Variants in ASPRV1 observed in about 807,000 individuals in gnomAD.
The protein encoded by ASPRV1 is retroviral-like aspartic protease 1.
ASPRV1 carries 7 observed loss-of-function variants against 11.0 expected under a neutral mutation model. That is an observed-to-expected ratio of 0.64 (90% CI 0.36 to 1.20). The LOEUF is 1.20. Ranked by LOEUF, ASPRV1 falls within the 50% of genes most tolerant of loss-of-function variation. The probability of loss-of-function intolerance (pLI) is 0.02; values close to 1 mark genes in which losing one functional copy is unlikely to be tolerated. For missense variants in ASPRV1, 299 were observed against 320.0 expected (o/e 0.93, Z 0.50); for synonymous variants, 136 against 138.4 (o/e 0.98, Z 0.12).
the ASPRV1 span, chr2:70,018,256 T>C: frequency 2.0e-5 from 3 of 151,698 alleles, no homozygotes; most frequent in African/African-American, 7.3e-5. Flanking sequence ...GTTGAAACAC[T>C]GACGAAAGAA....
the ASPRV1 span, among the ~76,000 whole-genome samples, chr2:69,972,680 G>C: frequency 3.9e-5 from 6 of 152,198 alleles, no homozygotes; most frequent in Non-Finnish European, 7.4e-5. Flanking sequence ...GTTTTCATGA[G>C]TGTTCTGCAG....
chr2:69,996,214 C>CAAAAAAAA, the ASPRV1 span, among the ~76,000 whole-genome samples: 9 of 53,876 alleles, frequency 1.7e-4, no homozygotes, highest in Non-Finnish European at 2.5e-4. Context: ...CCCCATCTCT[C>CAAAAAAAA]AAAAAAAAAA....
chr2:69,988,481 G>T, the ASPRV1 span: 1 of 281,606 alleles, frequency 3.6e-6, no homozygotes, highest in Non-Finnish European at 7.1e-6. Context: ...CATAGAGACA[G>T]AAAGTACAGC....
chr2:70,008,611 T>G, the ASPRV1 span, among the ~76,000 whole-genome samples: 157 of 152,068 alleles, frequency 1.0e-3, 1 homozygote, highest in Non-Finnish European at 1.9e-4. Flanking sequence ...TAAACTTTCT[T>G]AAAACATTAT....
chr2:69,993,135 C>T, the ASPRV1 span, among the ~76,000 whole-genome samples: 1 of 152,200 alleles, frequency 6.6e-6, no homozygotes, highest in Non-Finnish European at 1.5e-5. Flanking sequence ...GAAACAGAGA[C>T]CCGGCCCTGC....
chr2:69,981,060 G>A, the ASPRV1 span, among the ~76,000 whole-genome samples: 1 of 152,364 alleles, frequency 6.6e-6, no homozygotes, highest in African/African-American at 2.4e-5. Flanking sequence ...ACAGGCGTGA[G>A]CCACTGCATC....
chr2:69,999,922 T>A, the ASPRV1 span, among the ~76,000 whole-genome samples: 2 of 151,906 alleles, frequency 1.3e-5, no homozygotes, highest in African/African-American at 4.8e-5. Flanking sequence ...GGTCACCACA[T>A]CTTGGTCCCC....
At position 69,961,473 on chromosome 2, in the gene ASPRV1, C is replaced by T. The variant is rs767149329; in HGVS notation, c.-37G>A. The T allele has an allele frequency of 1.9e-5, 30 of 1,614,092 alleles. No individual in the cohort carries two copies. Among genetic ancestry groups the T allele is most frequent in the South Asian group, 2.2e-5 (2 of 91,082 alleles). On this transcript the variant is annotated 5_prime_UTR_variant, in exon 1 of 1. It adds an upstream start codon to the 5' untranslated region. Transcript: ENST00000320256. ...CCTCTGGAACCTCAGCAGCAACCCA[C>T]GCCAAGAAGAGAAACCCACAGAGCA...
the ASPRV1 span, among the ~76,000 whole-genome samples, chr2:70,080,354 G>A: frequency 6.6e-6 from 1 of 152,020 alleles, no homozygotes; most frequent in African/African-American, 2.4e-5. Flanking sequence ...AGCCACCCAA[G>A]TAGCTGGGAT....
At chr2:69,947,976 T>C in the ASPRV1 span, among the ~76,000 whole-genome samples, 1 of 152,234 alleles carries the variant, frequency 6.6e-6, no homozygotes, top group Non-Finnish European at 1.5e-5. Flanking sequence ...AGAAAGTTCG[T>C]TGGATTGCAA....
At chr2:70,003,401 G>A in the ASPRV1 span, 1 of 152,270 alleles carries the variant, frequency 6.6e-6, no homozygotes, top group Non-Finnish European at 1.5e-5. Flanking sequence ...CCCAGCCCAA[G>A]GTGAACAGGA....
At chr2:70,040,034 A>C in the ASPRV1 span, among the ~76,000 whole-genome samples, 21 of 152,346 alleles carry the variant, frequency 1.4e-4, no homozygotes, top group African/African-American at 4.8e-4. Context: ...AGACATGTTG[A>C]GTTTAAGGTG....
the ASPRV1 span, among the ~76,000 whole-genome samples, chr2:70,057,417 C>CA: frequency 6.6e-6 from 1 of 151,996 alleles, no homozygotes; most frequent in South Asian, 2.1e-4. Flanking sequence ...GAGATTGTTC[C>CA]ACATCAGCTT....
chr2:70,049,296 C>T, the ASPRV1 span: 611 of 149,774 alleles, frequency 4.1e-3, 2 homozygotes, highest in African/African-American at 0.014. Flanking sequence ...GAAGTTTATA[C>T]ATGTAAGGTA....
the ASPRV1 span, among the ~76,000 whole-genome samples, chr2:69,978,697 G>T: frequency 1.3e-5 from 2 of 152,174 alleles, no homozygotes. Context: ...GCAGTGACTG[G>T]GAAAGGCCCC....
chr2:69,960,515 C>G lies in ASPRV1; in HGVS notation c.*142G>C. The stretch of plus-strand genomic sequence containing the variant: ...TACCAGGGGCAGATTAAGGCCCCTG[C>G]AGAGGGAGGCAAAGGGGAGAGAAGA... On this transcript the variant is annotated 3_prime_UTR_variant, in exon 1 of 1. Coordinates refer to ENST00000320256, the MANE Select transcript of ASPRV1 (RefSeq NM_152792.4). The G allele has an allele frequency of 1.1e-6, 1 of 885,370 alleles. No homozygotes were observed. The highest frequency in any genetic ancestry group is 1.7e-6 in the Non-Finnish European group (1 of 591,258). The allele number at this position is 885,370 out of a possible 1,614,324, so 54.8% of individuals were successfully genotyped here.
the ASPRV1 span, among the ~76,000 whole-genome samples, chr2:70,057,436 A>G: frequency 6.7e-3 from 1,011 of 151,876 alleles, 8 homozygotes; most frequent in African/African-American, 0.023. Context: ...TTGTTTATGT[A>G]TATCTGTGTC....
the ASPRV1 span, chr2:70,070,595 G>C: frequency 6.6e-6 from 1 of 151,958 alleles, no homozygotes; most frequent in African/African-American, 2.4e-5. Flanking sequence ...AGTAGGTCGA[G>C]ACCAGCCTAA....
chr2:69,987,530 G>A, the ASPRV1 span, among the ~76,000 whole-genome samples: 1 of 147,984 alleles, frequency 6.8e-6, no homozygotes, highest in Non-Finnish European at 1.5e-5. Context: ...AGGATCACTT[G>A]AGGCCAGGAG....
Sources: gnomAD v4.1 joint callset for allele counts (sites outside exome capture counted in the v4.1 genomes callset) on GRCh38, gnomAD v4.1.1 for gene constraint, MANE v1.5 for transcripts, NCBI Gene and HGNC (gene_info 2026-07-23, HGNC 2026-07-21) for gene names.